The following HK1 variants were observed in gnomAD, a reference collection of about 807,000 sequenced individuals.
HK1 encodes the protein hexokinase-1.
HK1 carries 28 observed loss-of-function variants against 91.6 expected under a neutral mutation model. The observed-to-expected ratio is 0.31, with a 90% CI of 0.23 to 0.42. The LOEUF is 0.42. Among genes scored for constraint, HK1 ranks in the 10% least tolerant of loss-of-function variants. HK1 has a pLI of 1.00. For missense variants in HK1, 770 were observed against 1,219.8 expected (o/e 0.63, Z 5.49); for synonymous variants, 430 against 468.1 (o/e 0.92, Z 1.05).
upstream of HK1, among the ~76,000 whole-genome samples, chr10:69,315,009 T>C (rs1846563750): frequency 6.6e-6 from 1 of 152,016 alleles, no homozygotes; most frequent in East Asian, 1.9e-4. Context: ...ATCCCTTGAG[T>C]CCAGGAGTTC....
chr10:69,367,724 C>T (rs1004960573), intron 4 of HK1, among the ~76,000 whole-genome samples: 1 of 151,996 alleles, frequency 6.6e-6, no homozygotes, highest in African/African-American at 2.4e-5. Flanking sequence ...GGGCCTGGAC[C>T]GTGAATCTTC....
chr10:69,304,425 A>G (rs1481057299), intron 5 of HK1, among the ~76,000 whole-genome samples: 1 of 151,988 alleles, frequency 6.6e-6, no homozygotes, highest in Non-Finnish European at 1.5e-5. Context: ...CTCCTGCCTC[A>G]GCCTCCCAAG....
chr10:69,318,928 C>T lies in HK1; in HGVS notation c.-20C>T. 6.3e-7 allele frequency: 1 copy of T among 1,577,992 alleles called. No homozygotes were observed. The highest frequency in any genetic ancestry group is 8.6e-7 in the Non-Finnish European group (1 of 1,163,950). On this transcript the variant is annotated 5_prime_UTR_variant, in exon 1 of 18. Coordinates refer to ENST00000359426, the MANE Select transcript of HK1 (RefSeq NM_000188.3). Reference sequence around the variant, plus strand: ...ACCGACCGTCCCCACGCCTGCCGCCCCGCGACCCCGACCGCCAGCATGATC... The same window carrying T: ...ACCGACCGTCCCCACGCCTGCCGCCTCGCGACCCCGACCGCCAGCATGATC...
chr10:69,387,103 C>T (rs1158000428), intron 13 of HK1, among the ~76,000 whole-genome samples: 2 of 152,086 alleles, frequency 1.3e-5, no homozygotes, highest in Non-Finnish European at 2.9e-5. Context: ...AAACATCAGA[C>T]ACAGCCACTC....
chr10:69,354,885 T>A (rs1849051821), intron 2 of HK1, among the ~76,000 whole-genome samples: 1 of 152,000 alleles, frequency 6.6e-6, no homozygotes, highest in African/African-American at 2.4e-5. Context: ...CTGACCAACA[T>A]GGTGAAAACC....
intron 2 of HK1, among the ~76,000 whole-genome samples, chr10:69,287,697 T>C (rs1845094285): frequency 6.6e-6 from 1 of 152,152 alleles, no homozygotes; most frequent in African/African-American, 2.4e-5. Flanking sequence ...TGCACAACCT[T>C]ATGAATATAC....
Position 69,369,394 on chromosome 10 carries a change from C to T in HK1, c.692-47C>T. On this transcript the variant is annotated intron_variant, in intron 6 of 17. Coordinates refer to ENST00000359426, the MANE Select transcript of HK1 (RefSeq NM_000188.3). The surrounding 1 kb of genome is among the most constrained non-coding windows in gnomAD (Gnocchi z 4.4). ...CGGCCCATCTTTCCAGGTGGCTCTG[C>T]ACCCTCCCCGTTGTGTGGTCATAGC... 1.2e-6 allele frequency: 2 copies of T among 1,613,674 alleles called. No individual in the cohort carries two copies. The highest frequency in any genetic ancestry group is 2.7e-5 in the African/African-American group (2 of 75,062).
At chr10:69,344,124 CATCCATCCGCTG>C (rs1848432601) in intron 2 of HK1, 135 bp downstream of exon 2, 2 of 879,396 alleles carry the variant, frequency 2.3e-6, no homozygotes, top group Non-Finnish European at 3.7e-6. Context: ...TCCATCCATC[CATCCATCCGCTG>C]ATCCATCTGC....
Position 69,380,165 on chromosome 10 carries a change from A to G in HK1, c.1265+70A>G. 7.8e-7 allele frequency: 1 copy of G among 1,281,618 alleles called. No homozygotes were observed. The highest frequency in any genetic ancestry group is 1.1e-6 in the Non-Finnish European group (1 of 882,684). The allele number at this position is 1,281,618 out of a possible 1,614,324, so 79.4% of individuals were successfully genotyped here. A position where few individuals can be genotyped will look rare whatever the true frequency, so the allele number is the denominator to read the frequency against. On this transcript the variant is annotated intron_variant, in intron 9 of 17. Transcript: ENST00000359426. This position sits in a 1 kb window ranked among gnomAD's most constrained non-coding sequence, Gnocchi z 4.0. ...GGTAGGGACCTTCTCCAGAGATCAG[A>G]CTTTTGTACCCGGTAAACGTTTTTC...
At chr10:69,346,216 A>T (rs943407652) in intron 2 of HK1, among the ~76,000 whole-genome samples, 1 of 152,192 alleles carries the variant, frequency 6.6e-6, no homozygotes, top group Non-Finnish European at 1.5e-5. Context: ...CCTTTTTGAA[A>T]TGTTAATCAC....
At chr10:69,304,195 C>T (rs1258422024) in intron 5 of HK1, among the ~76,000 whole-genome samples, 2 of 152,122 alleles carry the variant, frequency 1.3e-5, no homozygotes, top group African/African-American at 4.8e-5. Context: ...GTTAGTCCTT[C>T]AAAGGCAGTC....
chr10:69,384,766 G>A, intron 11 of HK1, 30 bp from the exon 12 acceptor site: 1 of 1,614,078 alleles, frequency 6.2e-7, no homozygotes, highest in Non-Finnish European at 8.5e-7. Context: ...ACCACAGAGA[G>A]CACGGGCGAT....
intron 1 of HK1, among the ~76,000 whole-genome samples, chr10:69,332,824 C>T (rs979749976): frequency 1.3e-5 from 2 of 152,164 alleles, no homozygotes; most frequent in African/African-American, 4.8e-5. Flanking sequence ...ACTCACCCAG[C>T]TCACACCTGT....
Position 69,335,208 on chromosome 10 carries a change from T to G in HK1, c.64-8619T>G, listed in dbSNP as rs1847917776. ...GGGCTGGGCAGCCGCAGAAGCCATG[T>G]GCAGTCAGGAAGAGGAGTCCGGGGC... On this transcript the variant is annotated intron_variant, in intron 1 of 17. Coordinates refer to ENST00000359426, the MANE Select transcript of HK1 (RefSeq NM_000188.3). Among the ~76,000 whole-genome samples the G allele has an allele frequency of 2.6e-5, 4 of 152,178 alleles. No homozygotes were observed. In the South Asian group the frequency reaches 6.2e-4, roughly 24 times the overall value.
Position 69,369,799 on chromosome 10 carries a change from C to G in HK1, c.875+175C>G, listed in dbSNP as rs749317447. Among the ~76,000 whole-genome samples the G allele has an allele frequency of 6.6e-6, 1 of 152,098 alleles. No individual in the cohort carries two copies. Among genetic ancestry groups the G allele is most frequent in the South Asian group, 2.1e-4 (1 of 4,816 alleles). On this transcript the variant is annotated intron_variant, in intron 7 of 17. Coordinates refer to ENST00000359426, the MANE Select transcript of HK1 (RefSeq NM_000188.3). This position sits in a 1 kb window ranked among gnomAD's most constrained non-coding sequence, Gnocchi z 4.4. ...TGTCACCCAGGCTGGAGTGCAGTGG[C>G]TCAATCTCAGCTCATTGCAACCTCC...
chr10:69,370,629 C>T (rs1472543857), intron 7 of HK1, among the ~76,000 whole-genome samples: 2 of 152,110 alleles, frequency 1.3e-5, no homozygotes, highest in Admixed American at 1.3e-4. Flanking sequence ...CCAAGACTTA[C>T]AATCTAGATG....
At chr10:69,295,542 C>G (rs557273850) in intron 3 of HK1, 41 of 864,480 alleles carry the variant, frequency 4.7e-5, no homozygotes, top group Non-Finnish European at 7.5e-5. Context: ...GTTTTCTGAG[C>G]GTGATTGATT....
chr10:69,328,768 G>A (rs916507807), intron 1 of HK1, among the ~76,000 whole-genome samples: 14 of 151,842 alleles, frequency 9.2e-5, no homozygotes, highest in Admixed American at 9.2e-4. Flanking sequence ...ATCACCCTCC[G>A]AAAAAAACTA....
chr10:69,315,943 G>A (rs550941094), upstream of HK1: 4 of 1,613,762 alleles, frequency 2.5e-6, no homozygotes, highest in Admixed American at 1.7e-5. Flanking sequence ...AGGAGTCTGG[G>A]TGTATATCCA....
Sources: gnomAD v4.1 joint callset for allele counts (sites outside exome capture counted in the v4.1 genomes callset) on GRCh38, gnomAD v4.1.1 for gene constraint, Gnocchi (gnomAD v3.1) non-coding constraint, MANE v1.5 for transcripts, NCBI Gene and HGNC (gene_info 2026-07-23, HGNC 2026-07-21) for gene names.